ZFP57: variants seen among roughly 807,000 people sequenced by gnomAD.
ZFP57 encodes zinc finger protein 57 homolog.
ZFP57 carries 12 observed loss-of-function variants against 15.8 expected under a neutral mutation model. The observed-to-expected ratio is 0.76, with a 90% CI of 0.49 to 1.23. ZFP57 has a LOEUF of 1.23. Ranked by LOEUF, ZFP57 falls within the 50% of genes most tolerant of loss-of-function variation. ZFP57 has a pLI of 0.00. For synonymous variants in ZFP57, 203 were observed against 242.3 expected (o/e 0.84, Z 1.51); for missense variants, 536 against 654.9 (o/e 0.82, Z 1.98).
At position 29,672,582 on chromosome 6, in the gene ZFP57, G is replaced by T. The variant is rs773321909; in HGVS notation, c.1529C>A (p.Thr510Asn). 2.9e-5 allele frequency: 46 copies of T among 1,612,576 alleles called. No individual in the cohort carries two copies. The African/African-American group carries it at 5.6e-4, about 20-fold the overall frequency. Reference protein sequence around the residue: ...GGDQSPPRIHTPRRRGLREKA... With the variant: ...GGDQSPPRIHNPRRRGLREKA... Reference sequence around the variant, plus strand: ...CTCTCTTAGGCCTCTTCTCCTGGGGGTATGGATCCTGGGGGGAGATTGATC... The same window carrying T: ...CTCTCTTAGGCCTCTTCTCCTGGGGTTATGGATCCTGGGGGGAGATTGATC... Residue 510 changes from threonine to asparagine, a missense_variant, in exon 5 of 5, where the codon ACC (threonine) becomes AAC (asparagine). Coordinates refer to ENST00000376883, the MANE Select transcript of ZFP57 (RefSeq NM_001109809.5).
chr6:29,674,670 A>C (rs1029773664), intron 4 of ZFP57, among the ~76,000 whole-genome samples: 2 of 152,192 alleles, frequency 1.3e-5, no homozygotes, highest in African/African-American at 4.8e-5. Flanking sequence ...CTGGCTTGAT[A>C]TCTCTCTCAA....
At chr6:29,676,171 G>A in intron 2 of ZFP57, 112 bp from the exon 3 acceptor site, 1 of 1,166,002 alleles carries the variant, frequency 8.6e-7, no homozygotes, top group Non-Finnish European at 1.2e-6. Flanking sequence ...TAAAACCTAA[G>A]AGAAAGATAA....
chr6:29,678,056 T>C lies in ZFP57; in HGVS notation c.-363-690A>G, dbSNP rs1338766097. Among the ~76,000 whole-genome samples the C allele has an allele frequency of 2.0e-5, 3 of 151,790 alleles. No homozygotes were observed. In the South Asian group the frequency reaches 6.2e-4, roughly 32 times the overall value. On this transcript the variant is annotated intron_variant, in intron 1 of 4. Coordinates refer to ENST00000376883, the MANE Select transcript of ZFP57 (RefSeq NM_001109809.5). Reference sequence around the variant, plus strand: ...CTCTACTAAAAATACAAAAAGAAAATAGCTGGGCATAGTGGCACACATCTG... The same window carrying C: ...CTCTACTAAAAATACAAAAAGAAAACAGCTGGGCATAGTGGCACACATCTG...
At chr6:29,679,609 G>T (rs936648611) in intron 1 of ZFP57, among the ~76,000 whole-genome samples, 1 of 152,094 alleles carries the variant, frequency 6.6e-6, no homozygotes, top group African/African-American at 2.4e-5. Context: ...CCTTAATAAG[G>T]CTGGGCACGG....
At chr6:29,680,874 T>A (rs980725010) in intron 1 of ZFP57, among the ~76,000 whole-genome samples, 188 bp downstream of exon 1, 31 of 151,990 alleles carry the variant, frequency 2.0e-4, no homozygotes, top group African/African-American at 7.2e-4. Flanking sequence ...GTGCCCACAG[T>A]GGACAGGGCA....
Position 29,672,615 on chromosome 6 carries a change from T to G in ZFP57, c.1496A>C (p.His499Pro). ...VPTMAGEEWK[H>P]GGDQSPPRIH... ...CCTGGGGGGAGATTGATCACCTCCA[T>G]GCTTCCATTCCTCCCCAGCCATAGT... Residue 499 changes from histidine to proline, a missense_variant, in exon 5 of 5, where the codon CAT becomes CCT. Transcript: ENST00000376883. 1 of 1,611,542 alleles carries G rather than the reference T, an allele frequency of 6.2e-7. No individual in the cohort carries two copies. Among genetic ancestry groups the G allele is most frequent in the Non-Finnish European group, 8.5e-7 (1 of 1,178,794 alleles).
rs199589695 is a variant in ZFP57, at chr6:29,673,362, C to T, written c.749G>A (p.Arg250His). The change falls in exon 5 of 5, where the codon CGC (arginine) becomes CAC (histidine). Residue 250 changes from arginine (R) to histidine (H), a missense_variant. Arg to His is a conservative substitution (Grantham distance 29). Coordinates refer to ENST00000376883, the MANE Select transcript of ZFP57 (RefSeq NM_001109809.5). This position sits in a 1 kb window ranked among gnomAD's most constrained non-coding sequence, Gnocchi z 4.7. ...YCDASGLSRH[R>H]RVHLGYRPHS... The stretch of plus-strand genomic sequence containing the variant: ...GGGCCGGTAACCCAGATGGACGCGG[C>T]GGTGACGACTTAGTCCAGAAGCATC... The T allele has an allele frequency of 8.7e-5, 141 of 1,612,920 alleles. No homozygotes were observed. The highest frequency in any genetic ancestry group is 1.1e-4 in the Non-Finnish European group (134 of 1,180,052).
In ZFP57 at chr6:29,672,684, C is replaced by A; in HGVS notation, c.1427G>T (p.Arg476Leu). The change falls in exon 5 of 5, where the codon CGG (arginine) becomes CTG (leucine). Residue 476 changes from arginine to leucine, a missense_variant. By Grantham distance (102) the Arg-to-Leu change is moderately radical. Coordinates refer to ENST00000376883, the MANE Select transcript of ZFP57 (RefSeq NM_001109809.5). ...GCCAAGCCACTGGCCCAGGATCACC[C>A]GGCATTTATGGTGGCTGCTCTGGCA... ...DLCQSSHHKC[R>L]VILGQWLGFS... 6.2e-7 allele frequency: 1 copy of A among 1,612,444 alleles called. No individual in the cohort carries two copies. The highest frequency in any genetic ancestry group is 1.1e-5 in the South Asian group (1 of 91,080).
At position 29,673,453 on chromosome 6, in the gene ZFP57, A is replaced by G. The variant is rs1294388360; in HGVS notation, c.658T>C (p.Tyr220His). Residue 220 changes from tyrosine (Y) to histidine (H), a missense_variant, in exon 5 of 5, where the codon TAT (tyrosine) becomes CAT (histidine). Physicochemically the swap from Tyr to His is moderately conservative, Grantham distance 83. Transcript: ENST00000376883. The surrounding 1 kb of genome is among the most constrained non-coding windows in gnomAD (Gnocchi z 4.7). ...KLFRSPKSLS[Y>H]HRRMHLGERP... The stretch of plus-strand genomic sequence containing the variant: ...TCCCCAAGATGCATGCGTCTGTGAT[A>G]GCTGAGGGACTTGGGGCTCCGAAAC... The G allele has an allele frequency of 3.7e-6, 6 of 1,613,114 alleles. No individual in the cohort carries two copies. The highest frequency in any genetic ancestry group is 5.1e-6 in the Non-Finnish European group (6 of 1,180,046).
intron 1 of ZFP57, among the ~76,000 whole-genome samples, chr6:29,679,119 A>G (rs1772211257): frequency 6.6e-6 from 1 of 152,206 alleles, no homozygotes; most frequent in Non-Finnish European, 1.5e-5. Flanking sequence ...CTTTGTGAAG[A>G]ATACTGCTAA....
intron 1 of ZFP57, among the ~76,000 whole-genome samples, chr6:29,677,676 G>A (rs570944653): frequency 1.3e-5 from 2 of 152,236 alleles, no homozygotes; most frequent in Admixed American, 6.5e-5. Flanking sequence ...AGATCACCTC[G>A]AGTGAGTCTC....
chr6:29,679,938 C>T (rs17369215), intron 1 of ZFP57, among the ~76,000 whole-genome samples: 29,509 of 152,000 alleles, frequency 0.19, 3,151 homozygotes, highest in East Asian at 0.27. Context: ...TAACAGTGCC[C>T]TCAAGAACCT....
At position 29,675,975 on chromosome 6, in the gene ZFP57, G is replaced by A; in HGVS notation, c.208C>T (p.Gln70Ter). Reference sequence around the variant, plus strand: ...TTAAAGGTTTCCGACATAACATCCTGGTAAAGGACCCTCTGGCTGGCATCT... The same window carrying A: ...TTAAAGGTTTCCGACATAACATCCTAGTAAAGGACCCTCTGGCTGGCATCT... Reference protein sequence around the residue: ...CLDASQRVLYQDVMSETFKNL... With the variant: ...CLDASQRVLY Residue 70 changes from glutamine (Q) to a stop codon, truncating the protein, a stop_gained, in exon 3 of 5, where the codon CAG (glutamine) becomes TAG (stop). Coordinates refer to ENST00000376883, the MANE Select transcript of ZFP57 (RefSeq NM_001109809.5). LOFTEE classifies it high-confidence loss of function. The A allele has an allele frequency of 6.2e-7, 1 of 1,613,404 alleles. No homozygotes were observed. Among genetic ancestry groups the A allele is most frequent in the East Asian group, 2.2e-5 (1 of 44,884 alleles).
At chr6:29,675,294 C>T in intron 4 of ZFP57, 92 bp downstream of exon 4, 1 of 937,702 alleles carries the variant, frequency 1.1e-6, no homozygotes, top group Non-Finnish European at 1.8e-6. Context: ...AGGAGAGCAT[C>T]TATAGAGCAT....
At chr6:29,679,199 G>T (rs924461104) in intron 1 of ZFP57, among the ~76,000 whole-genome samples, 1 of 152,228 alleles carries the variant, frequency 6.6e-6, no homozygotes, top group African/African-American at 2.4e-5. Flanking sequence ...CTCATCCTTG[G>T]AAATTTCCTG....
Position 29,677,100 on chromosome 6 carries a change from A to G in ZFP57, c.-97T>C. ...TCCTGGGGCTATCTACCTCCCAGTAACTGGGCAGATGGAGAGGCCCAGCAA... is the reference window on the plus strand; with the variant it reads ...TCCTGGGGCTATCTACCTCCCAGTAGCTGGGCAGATGGAGAGGCCCAGCAA... On this transcript the variant is annotated 5_prime_UTR_variant, in exon 2 of 5. Transcript: ENST00000376883. 3 of 1,587,384 alleles carry G rather than the reference A, an allele frequency of 1.9e-6. No homozygotes were observed. Among genetic ancestry groups the G allele is most frequent in the Non-Finnish European group, 2.6e-6 (3 of 1,160,566 alleles).
chr6:29,675,470 T>C lies in ZFP57; in HGVS notation c.268A>G (p.Lys90Glu). Residue 90 changes from lysine (K) to glutamate (E), a missense_variant, in exon 4 of 5, where the codon AAG becomes GAG. Physicochemically the swap from Lys to Glu is moderately conservative, Grantham distance 56. Coordinates refer to ENST00000376883, the MANE Select transcript of ZFP57 (RefSeq NM_001109809.5). ...LTSVARIFLH[K>E]PELITKLEQE... ...TCAAGCTTGGTGATTAGCTCTGGCT[T>C]ATGCAGAAAGATTCTGGCTGATGTG... The C allele has an allele frequency of 6.2e-7, 1 of 1,614,138 alleles. No individual in the cohort carries two copies. The highest frequency in any genetic ancestry group is 8.5e-7 in the Non-Finnish European group (1 of 1,180,024).
Position 29,672,829 on chromosome 6 carries a change from C to A in ZFP57, c.1282G>T (p.Val428Phe). The change falls in exon 5 of 5, where the codon GTC (valine) becomes TTC (phenylalanine). Residue 428 changes from valine to phenylalanine, a missense_variant. Physicochemically the swap from Val to Phe is conservative, Grantham distance 50 (BLOSUM62 -1). Transcript: ENST00000376883. ...SKSFSSFSRL[V>F]RHQQTHWKQK... ...TTCCAGTGGGTCTGCTGGTGTCTGA[C>A]CAGCCTGGAAAATGAGCTGAAAGAC... 4 of 1,613,088 alleles carry A rather than the reference C, an allele frequency of 2.5e-6. No individual in the cohort carries two copies. Among genetic ancestry groups the A allele is most frequent in the Non-Finnish European group, 3.4e-6 (4 of 1,180,044 alleles).
chr6:29,676,100 A>ATATG, intron 2 of ZFP57, 41 bp from the exon 3 acceptor site: 1 of 1,318,966 alleles, frequency 7.6e-7, no homozygotes, highest in South Asian at 1.3e-5. Flanking sequence ...ATATAAATAT[A>ATATG]TATGTGTGTG....
Sources: allele counts gnomAD v4.1 joint callset (sites outside exome capture counted in the v4.1 genomes callset), GRCh38; gene constraint gnomAD v4.1.1; non-coding constraint Gnocchi (gnomAD v3.1); transcripts MANE v1.5; gene names NCBI Gene and HGNC (gene_info 2026-07-23, HGNC 2026-07-21).